The following BOLL variants were observed in gnomAD, a reference collection of about 807,000 sequenced individuals.
BOLL encodes protein boule-like.
A neutral mutation model predicts 44.4 loss-of-function variants in BOLL; 23 were observed. That is an observed-to-expected ratio of 0.52 (90% CI 0.37 to 0.73). The LOEUF (loss-of-function observed/expected upper bound fraction) is 0.73, where lower values mean the gene tolerates loss of function less well. Ranked by LOEUF, BOLL falls within the 30% of genes least tolerant of loss-of-function variation. The probability of loss-of-function intolerance (pLI) is 0.00; values close to 1 mark genes in which losing one functional copy is unlikely to be tolerated. For missense variants in BOLL, 287 were observed against 338.3 expected (o/e 0.85, Z 1.19); for synonymous variants, 97 against 110.8 (o/e 0.88, Z 0.78).
At chr2:197,750,665 C>T (rs1483272437) in intron 9 of BOLL, among the ~76,000 whole-genome samples, 2 of 152,184 alleles carry the variant, frequency 1.3e-5, no homozygotes, top group East Asian at 1.9e-4. Context: ...TAGAAACCTA[C>T]ACAGAGACTT....
chr2:197,779,948 C>A (rs1440177542), intron 2 of BOLL, among the ~76,000 whole-genome samples: 2 of 151,910 alleles, frequency 1.3e-5, no homozygotes, highest in Non-Finnish European at 2.9e-5. Flanking sequence ...AGTTCAACTG[C>A]CACCTCACTA....
At chr2:197,737,998 A>G (rs967002476) in intron 10 of BOLL, among the ~76,000 whole-genome samples, 2 of 152,170 alleles carry the variant, frequency 1.3e-5, no homozygotes, top group African/African-American at 4.8e-5. Context: ...CTTAATCCAT[A>G]TAAGAACAAT....
chr2:197,774,227 TAAAC>T, intron 5 of BOLL: 2 of 210,550 alleles, frequency 9.5e-6, no homozygotes, highest in Non-Finnish European at 2.1e-5. Flanking sequence ...TATATTCAAA[TAAAC>T]AATATGATAT....
intron 3 of BOLL, among the ~76,000 whole-genome samples, chr2:197,778,501 T>TA (rs1358081608): frequency 6.6e-6 from 1 of 151,896 alleles, no homozygotes; most frequent in Non-Finnish European, 1.5e-5. Flanking sequence ...TTATCATTGA[T>TA]ATAGCAATTA....
In BOLL at chr2:197,741,975, A is replaced by AAAAC. The variant is rs1243881982; in HGVS notation, c.828+1082_828+1085dup. Among the ~76,000 whole-genome samples, 11 of 152,250 alleles carry AAAAC rather than the reference A, an allele frequency of 7.2e-5. No individual in the cohort carries two copies. In the South Asian group the frequency reaches 1.2e-3, roughly 17 times the overall value. On this transcript the variant is annotated intron_variant, in intron 10 of 10. Transcript: ENST00000392296. ...TGAACTCAAACAAATTTACAAGAAA[A>AAAAC]AAACAACCCCATCAAAAAGTGGGTG...
intron 9 of BOLL, among the ~76,000 whole-genome samples, chr2:197,752,766 C>A (rs1014838384): frequency 1.3e-5 from 2 of 152,162 alleles, no homozygotes; most frequent in Non-Finnish European, 2.9e-5. Flanking sequence ...TCCCATCAAG[C>A]TACCATTGAC....
intron 10 of BOLL, 107 bp downstream of exon 10, chr2:197,742,954 A>T: frequency 1.5e-6 from 1 of 685,978 alleles, no homozygotes; most frequent in East Asian, 3.1e-5. Flanking sequence ...TTCTGATCAC[A>T]AGTGTGATGT....
intron 1 of BOLL, 40 bp from the exon 2 acceptor site, chr2:197,781,905 TA>T (rs1223837822): frequency 2.5e-5 from 37 of 1,472,618 alleles, no homozygotes; most frequent in Non-Finnish European, 3.1e-5. Context: ...GCACTGGGTA[TA>T]ATGCAGTCTG....
intron 7 of BOLL, chr2:197,759,046 T>C (rs1261632183): frequency 1.4e-6 from 2 of 1,462,654 alleles, no homozygotes; most frequent in Non-Finnish European, 1.8e-6. Context: ...GCAAGATGGC[T>C]GACCAGAGAT....
At chr2:197,786,009 T>A, upstream of BOLL, 2 of 1,612,100 alleles carry the variant, frequency 1.2e-6, no homozygotes, top group East Asian at 4.5e-5. The surrounding 1 kb of genome is among the most constrained non-coding windows in gnomAD (Gnocchi z 5.9). Flanking sequence ...TCCATCTTCC[T>A]CTCTGCTCTT....
intron 7 of BOLL, among the ~76,000 whole-genome samples, chr2:197,762,966 G>A (rs1000015602): frequency 1.2e-4 from 18 of 151,774 alleles, no homozygotes; most frequent in Non-Finnish European, 2.5e-4. Context: ...AGATAAAATC[G>A]ACAAACCATT....
chr2:197,763,395 T>C (rs1004274162), intron 7 of BOLL, among the ~76,000 whole-genome samples: 1 of 145,440 alleles, frequency 6.9e-6, no homozygotes, highest in Non-Finnish European at 1.5e-5. Context: ...GGCAGGAGAA[T>C]GACATGAACC....
chr2:197,775,603 C>A, intron 5 of BOLL, 62 bp downstream of exon 5: 4 of 1,069,674 alleles, frequency 3.7e-6, no homozygotes, highest in Non-Finnish European at 5.4e-6. Flanking sequence ...TATAAAAAGT[C>A]TTATATTTCA....
At chr2:197,733,735 G>C (rs1687328636) in intron 10 of BOLL, among the ~76,000 whole-genome samples, 1 of 152,098 alleles carries the variant, frequency 6.6e-6, no homozygotes, top group Non-Finnish European at 1.5e-5. Context: ...TTAATAAATG[G>C]TGCTGGGAAA....
At chr2:197,757,301 A>G in intron 8 of BOLL, 52 bp downstream of exon 8, 2 of 1,485,354 alleles carry the variant, frequency 1.3e-6, no homozygotes, top group South Asian at 2.4e-5. Flanking sequence ...AGTCATCACA[A>G]GAATATAATG....
chr2:197,777,069 A>AT lies in BOLL; in HGVS notation c.265dup (p.Ile89AsnfsTer6). On this transcript the variant is annotated frameshift_variant, in exon 4 of 11. Transcript: ENST00000392296. LOFTEE classifies it high-confidence loss of function. ...ACCAAAAGATCATACCTCTTGTAAA[A>AT]TTTTTTGTGCATCTTCTTGTGTTTC... 2 of 1,575,614 alleles carry AT rather than the reference A, an allele frequency of 1.3e-6. No individual in the cohort carries two copies. The highest frequency in any genetic ancestry group is 1.7e-6 in the Non-Finnish European group (2 of 1,154,736).
In BOLL at chr2:197,757,412, T is replaced by G. The variant is rs753230341; in HGVS notation, c.553-12A>C. 3.7e-6 allele frequency: 6 copies of G among 1,604,848 alleles called. No individual in the cohort carries two copies. The highest frequency in any genetic ancestry group is 4.5e-5 in the East Asian group (2 of 44,606). On this transcript the variant is annotated splice_polypyrimidine_tract_variant and intron_variant, in intron 7 of 10. Transcript: ENST00000392296. The stretch of plus-strand genomic sequence containing the variant: ...TACTGTGTGGTGGCCTAAAATTAAA[T>G]AAAAGAAAAGAAAAACCCATTCTGA...
In BOLL at chr2:197,727,160, T is replaced by C. The variant is rs938845381; in HGVS notation, c.*1395A>G. The C allele has an allele frequency of 6.6e-6, 1 of 152,364 alleles. No homozygotes were observed. The highest frequency in any genetic ancestry group is 2.1e-4 in the South Asian group (1 of 4,830). The allele number at this position is 152,364 out of a possible 1,614,324, so 9.4% of individuals were successfully genotyped here. A position where few individuals can be genotyped will look rare whatever the true frequency, so the allele number is the denominator to read the frequency against. ...CTAGTATACATTCATAAGGTTCTACTGTTCTCATGAAGCCATTTGACTGGC... is the reference window on the plus strand; with the variant it reads ...CTAGTATACATTCATAAGGTTCTACCGTTCTCATGAAGCCATTTGACTGGC... On this transcript the variant is annotated 3_prime_UTR_variant, in exon 11 of 11. Transcript: ENST00000392296.
chr2:197,776,587 A>G (rs1239975158), intron 4 of BOLL, among the ~76,000 whole-genome samples: 2 of 151,960 alleles, frequency 1.3e-5, no homozygotes, highest in East Asian at 1.9e-4. Context: ...TTTGATTTTA[A>G]TAACATACAA....
Sources: allele counts gnomAD v4.1 joint callset (sites outside exome capture counted in the v4.1 genomes callset), GRCh38; gene constraint gnomAD v4.1.1; non-coding constraint Gnocchi (gnomAD v3.1); transcripts MANE v1.5; gene names NCBI Gene and HGNC (gene_info 2026-07-23, HGNC 2026-07-21).